The following IGSF21 variants were observed in gnomAD, a reference collection of about 807,000 sequenced individuals.
IGSF21 encodes the protein immunoglobulin superfamily member 21.
A neutral mutation model predicts 46.8 loss-of-function variants in IGSF21; 28 were observed. That is an observed-to-expected ratio of 0.60 (90% CI 0.44 to 0.82). IGSF21 has a LOEUF of 0.82. Ranked by LOEUF, IGSF21 falls within the 40% of genes least tolerant of loss-of-function variation. The probability of loss-of-function intolerance (pLI) is 0.00; values close to 1 mark genes in which losing one functional copy is unlikely to be tolerated. For missense variants in IGSF21, 624 were observed against 665.5 expected (o/e 0.94, Z 0.69); for synonymous variants, 284 against 273.6 (o/e 1.04, Z -0.38).
intron 1 of IGSF21, among the ~76,000 whole-genome samples, chr1:18,133,283 G>A (rs2086338614): frequency 6.6e-6 from 1 of 152,158 alleles, no homozygotes; most frequent in Non-Finnish European, 1.5e-5. Flanking sequence ...GTTCCATCTC[G>A]CCTCTGCTGA....
At chr1:18,255,351 C>T (rs1036869854) in intron 2 of IGSF21, among the ~76,000 whole-genome samples, 3 of 152,132 alleles carry the variant, frequency 2.0e-5, no homozygotes, top group Admixed American at 6.5e-5. Context: ...TTGTCAAGCC[C>T]AATATTGCCC....
chr1:18,134,876 C>G lies in IGSF21; in HGVS notation c.70+26678C>G, dbSNP rs139558171. 4.4e-3 allele frequency among the ~76,000 whole-genome samples: 671 copies of G among 152,370 alleles called. 6 individuals carry two copies. The highest frequency in any genetic ancestry group is 0.016 in the African/African-American group (647 of 41,586). On this transcript the variant is annotated intron_variant, in intron 1 of 9. Transcript: ENST00000251296. ...CAGAGAAATCCTACATAGGGTTCCA[C>G]AGCCATGCCTGGGAGATTAGAGGAT...
At chr1:18,235,032 GGCAGGGGTACCT>G (rs2084660217) in intron 2 of IGSF21, among the ~76,000 whole-genome samples, 1 of 152,158 alleles carries the variant, frequency 6.6e-6, no homozygotes, top group Non-Finnish European at 1.5e-5. Flanking sequence ...ATTGGAAACC[GGCAGGGGTACCT>G]GACTCTGACA....
At chr1:18,244,307 T>G (rs1234923842) in intron 2 of IGSF21, among the ~76,000 whole-genome samples, 1 of 152,214 alleles carries the variant, frequency 6.6e-6, no homozygotes, top group Non-Finnish European at 1.5e-5. Context: ...GCCTGCCAGA[T>G]GAAAAGAGCT....
At chr1:18,122,897 G>A (rs2086247166) in intron 1 of IGSF21, among the ~76,000 whole-genome samples, 1 of 152,030 alleles carries the variant, frequency 6.6e-6, no homozygotes, top group Admixed American at 6.6e-5. Flanking sequence ...AAAGTGCTAG[G>A]ATTACAGGCA....
intron 1 of IGSF21, among the ~76,000 whole-genome samples, chr1:18,146,467 C>T (rs1424995782): frequency 6.6e-6 from 1 of 152,084 alleles, no homozygotes; most frequent in Admixed American, 6.5e-5. Context: ...GCCAGTGCAC[C>T]TTCTCCTGGG....
chr1:18,284,203 T>A (rs1307522170), intron 2 of IGSF21, among the ~76,000 whole-genome samples: 1 of 152,196 alleles, frequency 6.6e-6, no homozygotes, highest in Non-Finnish European at 1.5e-5. Context: ...TCTAGTGCCA[T>A]CTTTGTGCCC....
chr1:18,299,334 G>A (rs777640798), intron 3 of IGSF21, among the ~76,000 whole-genome samples: 2 of 152,246 alleles, frequency 1.3e-5, no homozygotes, highest in Admixed American at 6.5e-5. Flanking sequence ...TCAAAGAGCA[G>A]AGGGGTTTGT....
rs548917453 is a variant in IGSF21, at chr1:18,344,166, TC to T, written c.424+9157del. ...AGAAGCAAATTTCCAGGACCAATAATCAGAGTGCCAAGAACTTCTCTCTTTT... is the reference window on the plus strand; with the variant it reads ...AGAAGCAAATTTCCAGGACCAATAATAGAGTGCCAAGAACTTCTCTCTTTT... On this transcript the variant is annotated intron_variant, in intron 4 of 9. Coordinates refer to ENST00000251296, the MANE Select transcript of IGSF21 (RefSeq NM_032880.5). 1.6e-4 allele frequency among the ~76,000 whole-genome samples: 25 copies of T among 152,272 alleles called. No homozygotes were observed. The East Asian group carries it at 4.8e-3, about 29-fold the overall frequency.
intron 3 of IGSF21, among the ~76,000 whole-genome samples, chr1:18,314,298 T>A (rs199505882): frequency 2.0e-5 from 3 of 150,944 alleles, no homozygotes; most frequent in African/African-American, 2.4e-5. Flanking sequence ...TTTTTTTTTT[T>A]AAACAAAGAA....
chr1:18,164,318 CTCTT>C (rs951705558), intron 1 of IGSF21, among the ~76,000 whole-genome samples: 4 of 152,028 alleles, frequency 2.6e-5, no homozygotes, highest in African/African-American at 9.7e-5. Flanking sequence ...TTCCCTCCCT[CTCTT>C]CCTTCCTTCT....
rs769033168 is a variant in IGSF21, at chr1:18,334,898, C to G, written c.312C>G (p.Pro104=). 8.7e-6 allele frequency: 14 copies of G among 1,613,692 alleles called. No homozygotes were observed. In the Admixed American group the frequency reaches 2.2e-4, roughly 25 times the overall value. Reference sequence around the variant, plus strand: ...TGTCTTCTGCCTCCCCCAGGCTGCCCGAGGTCCGGATCTCAGACAATGGTC... The same window carrying G: ...TGTCTTCTGCCTCCCCCAGGCTGCCGGAGGTCCGGATCTCAGACAATGGTC... ...DLVYQSTVRL[P]EVRISDNGPY... The change falls in exon 4 of 10, where the codon CCC becomes CCG. Residue 104 remains proline, a synonymous_variant. Coordinates refer to ENST00000251296, the MANE Select transcript of IGSF21 (RefSeq NM_032880.5). This position sits in a 1 kb window ranked among gnomAD's most constrained non-coding sequence, Gnocchi z 4.3.
At chr1:18,209,834 C>T (rs571322674) in intron 1 of IGSF21, among the ~76,000 whole-genome samples, 139 of 152,172 alleles carry the variant, frequency 9.1e-4, no homozygotes, top group African/African-American at 3.3e-3. Context: ...CATTTCTTGT[C>T]CCTGGAGACA....
chr1:18,323,161 G>C (rs904156284), intron 3 of IGSF21, among the ~76,000 whole-genome samples: 2 of 152,178 alleles, frequency 1.3e-5, no homozygotes, highest in African/African-American at 4.8e-5. Flanking sequence ...TTTCTCAGAG[G>C]TGCTTTCTCA....
intron 1 of IGSF21, among the ~76,000 whole-genome samples, chr1:18,147,883 G>A (rs9728859): frequency 0.1 from 15,759 of 152,052 alleles, 1,393 homozygotes; most frequent in African/African-American, 0.24. Context: ...CTTGGTGGGA[G>A]GTAATTGAAT....
intron 2 of IGSF21, among the ~76,000 whole-genome samples, chr1:18,284,029 G>A (rs1004495445): frequency 3.3e-5 from 5 of 152,256 alleles, no homozygotes; most frequent in South Asian, 2.1e-4. Context: ...GAAACCACAC[G>A]TTTCAGAAAT....
At chr1:18,373,200 T>A (rs562914906) in intron 6 of IGSF21, among the ~76,000 whole-genome samples, 1 of 152,292 alleles carries the variant, frequency 6.6e-6, no homozygotes, top group East Asian at 1.9e-4. Context: ...TTGAAATGAC[T>A]CATCCAAGTC....
At chr1:18,169,045 G>A (rs1209992671) in intron 1 of IGSF21, among the ~76,000 whole-genome samples, 2 of 152,196 alleles carry the variant, frequency 1.3e-5, no homozygotes, top group Non-Finnish European at 2.9e-5. Flanking sequence ...GTGGCTGCTC[G>A]CCTGCGTGGC....
At chr1:18,207,051 A>G (rs1192416828) in intron 1 of IGSF21, among the ~76,000 whole-genome samples, 2 of 152,254 alleles carry the variant, frequency 1.3e-5, no homozygotes, top group Non-Finnish European at 2.9e-5. Flanking sequence ...CTTAGGAGCA[A>G]GAATCCACTT....
Sources: gnomAD v4.1 joint callset for allele counts (sites outside exome capture counted in the v4.1 genomes callset) on GRCh38, gnomAD v4.1.1 for gene constraint, Gnocchi (gnomAD v3.1) non-coding constraint, MANE v1.5 for transcripts, NCBI Gene and HGNC (gene_info 2026-07-23, HGNC 2026-07-21) for gene names.